The following BRD1 variants were observed in gnomAD, a reference collection of about 807,000 sequenced individuals.
BRD1 encodes bromodomain containing 1, also known as bromodomain-containing protein 1.
A neutral mutation model predicts 107.7 loss-of-function variants in BRD1; 24 were observed. The observed-to-expected ratio is 0.22, with a 90% CI of 0.16 to 0.31. BRD1 has a LOEUF of 0.31. Among genes scored for constraint, BRD1 ranks in the 10% least tolerant of loss-of-function variants. The probability of loss-of-function intolerance (pLI) is 1.00; values close to 1 mark genes in which losing one functional copy is unlikely to be tolerated. For missense variants in BRD1, 1,279 were observed against 1,638.6 expected, an observed-to-expected ratio of 0.78 and a Z score of 3.79; for synonymous variants, 744 against 686.1, an observed-to-expected ratio of 1.08 and a Z score of -1.32.
intron 2 of BRD1, among the ~76,000 whole-genome samples, chr22:49,814,501 G>C (rs1308019450): frequency 1.3e-5 from 2 of 152,256 alleles, no homozygotes; most frequent in African/African-American, 4.8e-5. Flanking sequence ...TCACATGCCT[G>C]ACGTGCATGG....
Position 49,813,376 on chromosome 22 carries a change from A to G in BRD1, c.1368-9016T>C, listed in dbSNP as rs1314974211. On this transcript the variant is annotated intron_variant, in intron 2 of 12. Transcript: ENST00000404760. ...GTAGCTGGGACTACAGGTGCCCACCACCACGACCAGCTAATTTTTGTATTT... is the reference window on the plus strand; with the variant it reads ...GTAGCTGGGACTACAGGTGCCCACCGCCACGACCAGCTAATTTTTGTATTT... Among the ~76,000 whole-genome samples, 3 of 151,916 alleles carry G rather than the reference A, an allele frequency of 2.0e-5. No homozygotes were observed. In the East Asian group the frequency reaches 5.9e-4, roughly 30 times the overall value.
chr22:49,777,243 C>A, intron 9 of BRD1, 82 bp from the exon 10 acceptor site: 1 of 1,577,148 alleles, frequency 6.3e-7, no homozygotes, highest in African/African-American at 1.3e-5. Context: ...GAGCTGTCCG[C>A]CACCAAGCTG....
At chr22:49,782,536 G>A (rs1340343450) in intron 8 of BRD1, among the ~76,000 whole-genome samples, 2 of 144,222 alleles carry the variant, frequency 1.4e-5, no homozygotes, top group African/African-American at 5.2e-5. Flanking sequence ...AGCTGGGACG[G>A]TCAGAGACAG....
At chr22:49,804,999 T>C (rs1007938231) in intron 2 of BRD1, among the ~76,000 whole-genome samples, 1 of 152,238 alleles carries the variant, frequency 6.6e-6, no homozygotes, top group Non-Finnish European at 1.5e-5. Context: ...CAAGCTGACT[T>C]CAACCACATC....
intron 2 of BRD1, chr22:49,818,404 AT>A: frequency 1.8e-6 from 2 of 1,137,748 alleles, no homozygotes; most frequent in Non-Finnish European, 2.2e-6. Context: ...TGTTAAACAG[AT>A]TATGCGTGTA....
In BRD1 at chr22:49,824,307, TTCC is replaced by T; in HGVS notation, c.8_10del (p.Arg3del). ...TGCAGAGCCTCGATGACATCGTCCTTTCCTCCTCATTTGGTAATGATTACCTAA... is the reference window on the plus strand; with the variant it reads ...TGCAGAGCCTCGATGACATCGTCCTTTCCTCATTTGGTAATGATTACCTAA... On this transcript the variant is annotated inframe_deletion, in exon 2 of 13. Transcript: ENST00000404760. This position sits in a 1 kb window ranked among gnomAD's most constrained non-coding sequence, Gnocchi z 5.9. The T allele has an allele frequency of 6.2e-7, 1 of 1,612,138 alleles. No homozygotes were observed. The highest frequency in any genetic ancestry group is 1.3e-5 in the African/African-American group (1 of 74,984).
chr22:49,797,676 A>G (rs980264281), intron 6 of BRD1, 129 bp downstream of exon 6: 2 of 872,820 alleles, frequency 2.3e-6, no homozygotes, highest in South Asian at 4.7e-5. Context: ...TAGAAAATGT[A>G]AATGATGTAT....
At chr22:49,774,520 G>T in intron 12 of BRD1, 104 bp from the exon 13 acceptor site, 2 of 1,262,430 alleles carry the variant, frequency 1.6e-6, no homozygotes, top group Non-Finnish European at 2.2e-6. Flanking sequence ...ATAGAAAGGG[G>T]CCCTGCTCAG....
chr22:49,780,042 G>A (rs867482788), intron 8 of BRD1, among the ~76,000 whole-genome samples: 26 of 152,274 alleles, frequency 1.7e-4, no homozygotes, highest in Admixed American at 6.5e-4. Flanking sequence ...GCCTGGGTGG[G>A]GAGGCTTTTA....
At position 49,776,163 on chromosome 22, in the gene BRD1, C is replaced by T. The variant is rs368330772; in HGVS notation, c.3122-4G>A. The T allele has an allele frequency of 2.6e-5, 42 of 1,602,270 alleles. No homozygotes were observed. The African/African-American group carries it at 2.7e-4, about 10-fold the overall frequency. ...CACATGCTGCTCTGGCCGACTTCTG[C>T]GGAGAGGGGCGTCAGCAGGACACAG... On this transcript the variant is annotated splice_polypyrimidine_tract_variant and splice_region_variant and intron_variant, in intron 10 of 12. Transcript: ENST00000404760.
chr22:49,805,172 C>T (rs1443950701), intron 2 of BRD1, among the ~76,000 whole-genome samples: 7 of 152,238 alleles, frequency 4.6e-5, no homozygotes, highest in Admixed American at 6.5e-5. Flanking sequence ...CAGTCATCTT[C>T]AAGTCTCCCA....
Position 49,822,870 on chromosome 22 carries a change from G to A in BRD1, c.1367+81C>T, listed in dbSNP as rs113930304. 5.0e-4 allele frequency: 745 copies of A among 1,504,854 alleles called. 5 individuals carry two copies. In the African/African-American group the frequency reaches 7.8e-3, roughly 16 times the overall value. The allele number at this position is 1,504,854 out of a possible 1,614,324, so 93.2% of individuals were successfully genotyped here. On this transcript the variant is annotated intron_variant, in intron 2 of 12. Coordinates refer to ENST00000404760, the MANE Select transcript of BRD1 (RefSeq NM_001304808.3). ...TAGAAACGCAATGACCACACAGCAC[G>A]GGCCCTGCAGGCTGTGCCCACGTCC... is the stretch of plus-strand genomic sequence containing the variant.
intron 8 of BRD1, among the ~76,000 whole-genome samples, chr22:49,784,779 C>T (rs1477988427): frequency 6.6e-6 from 1 of 152,216 alleles, no homozygotes; most frequent in South Asian, 2.1e-4. Context: ...AAAGCGAGGG[C>T]GGATGGCGGG....
intron 6 of BRD1, 126 bp from the exon 7 acceptor site, chr22:49,794,420 A>G (rs1442611094): frequency 3.9e-6 from 5 of 1,282,806 alleles, no homozygotes; most frequent in Non-Finnish European, 5.3e-6. Context: ...AACGAGGCCC[A>G]GGCCCTGCTC....
chr22:49,807,753 T>C (rs2059772154), intron 2 of BRD1, among the ~76,000 whole-genome samples: 1 of 152,078 alleles, frequency 6.6e-6, no homozygotes, highest in South Asian at 2.1e-4. Context: ...AAAAATAAAC[T>C]GGGCTTCATG....
intron 1 of BRD1, among the ~76,000 whole-genome samples, chr22:49,826,652 T>C (rs1018590228): frequency 6.6e-6 from 1 of 152,154 alleles, no homozygotes; most frequent in Non-Finnish European, 1.5e-5. Context: ...CCGCGGCCGC[T>C]GAGCTGTGCG....
intron 3 of BRD1, among the ~76,000 whole-genome samples, chr22:49,800,549 C>T (rs972968338): frequency 2.0e-5 from 3 of 152,128 alleles, no homozygotes; most frequent in South Asian, 2.1e-4. Flanking sequence ...TGTTACGAAG[C>T]GGAAGAAATC....
chr22:49,797,866 C>T lies in BRD1; in HGVS notation c.2037G>A (p.Ser679=), dbSNP rs749972590. Residue 679 remains serine, a synonymous_variant, in exon 6 of 13, where the codon TCG becomes TCA. Coordinates refer to ENST00000404760, the MANE Select transcript of BRD1 (RefSeq NM_001304808.3). ...EVDSIGLEEA[S]GMHLPERPAA... is the part of the protein sequence containing the mutation. ...CAGGCCGCTCAGGCAGGTGCATCCC[C>T]GAGGCCTCTTCCAAGCCGATGCTGT... 30 of 1,613,048 alleles carry T rather than the reference C, an allele frequency of 1.9e-5. No individual in the cohort carries two copies. Among genetic ancestry groups the T allele is most frequent in the Admixed American group, 5.0e-5 (3 of 60,010 alleles).
chr22:49,815,012 G>C (rs547051713), intron 2 of BRD1, among the ~76,000 whole-genome samples: 2 of 152,306 alleles, frequency 1.3e-5, no homozygotes, highest in East Asian at 3.9e-4. Context: ...ACATGGTTGG[G>C]TACCCAAGTC....
Sources: gnomAD v4.1 joint callset for allele counts (sites outside exome capture counted in the v4.1 genomes callset) on GRCh38, gnomAD v4.1.1 for gene constraint, Gnocchi (gnomAD v3.1) non-coding constraint, MANE v1.5 for transcripts, NCBI Gene and HGNC (gene_info 2026-07-23, HGNC 2026-07-21) for gene names.